TRPM3: variants seen among roughly 807,000 people sequenced by gnomAD.
TRPM3 encodes long transient receptor potential channel 3.
In TRPM3, 77 loss-of-function variants were observed where a neutral mutation model predicts 181.2. That is an observed-to-expected ratio of 0.42 (90% CI 0.35 to 0.51). TRPM3 has a LOEUF of 0.51. TRPM3 is among the 20% of genes least tolerant of loss of function. The pLI, the probability that TRPM3 is intolerant of heterozygous loss-of-function variation, is 0.01. For missense variants in TRPM3, 1,759 were observed against 2,196.7 expected (o/e 0.80, Z 3.98); for synonymous variants, 745 against 796.4 (o/e 0.94, Z 1.09).
At chr9:70,881,265 T>C (rs2095986848) in intron 1 of TRPM3, among the ~76,000 whole-genome samples, 1 of 152,126 alleles carries the variant, frequency 6.6e-6, no homozygotes, top group Non-Finnish European at 1.5e-5. Flanking sequence ...CTTTTTATCA[T>C]AATAGGTGGC....
At chr9:71,322,196 A>G in intron 1 of TRPM3, among the ~76,000 whole-genome samples, 1 of 151,594 alleles carries the variant, frequency 6.6e-6, no homozygotes, top group East Asian at 1.9e-4. Flanking sequence ...ATGACATTTA[A>G]TATGATTTGA....
intron 9 of TRPM3, among the ~76,000 whole-genome samples, chr9:70,651,360 C>G (rs1422549021): frequency 6.6e-6 from 1 of 152,040 alleles, no homozygotes; most frequent in Non-Finnish European, 1.5e-5. Flanking sequence ...TTTAAAAGGG[C>G]CCAGGATAGC....
At chr9:71,031,977 T>C (rs1565021403) in intron 1 of TRPM3, among the ~76,000 whole-genome samples, 4 of 2,896 alleles carry the variant, frequency 1.4e-3, no homozygotes. Context: ...ATATATTATA[T>C]ATATATATAT....
intron 1 of TRPM3, among the ~76,000 whole-genome samples, chr9:70,893,032 T>C (rs1360500678): frequency 2.0e-5 from 3 of 152,182 alleles, no homozygotes; most frequent in Non-Finnish European, 2.9e-5. Context: ...CACAAAGCAC[T>C]ATCTATCTAC....
At chr9:70,971,455 T>C (rs2097245222) in intron 1 of TRPM3, among the ~76,000 whole-genome samples, 6 of 152,108 alleles carry the variant, frequency 3.9e-5, no homozygotes, top group Admixed American at 3.3e-4. Context: ...AGGAACACTC[T>C]CTACCCACTA....
chr9:71,239,549 A>G (rs1246676795), intron 1 of TRPM3, among the ~76,000 whole-genome samples: 1 of 152,176 alleles, frequency 6.6e-6, no homozygotes, highest in Admixed American at 6.5e-5. Flanking sequence ...TAAAAGTATT[A>G]GCAGACATTT....
chr9:71,177,032 C>T (rs1445027052), intron 1 of TRPM3, among the ~76,000 whole-genome samples: 1 of 152,136 alleles, frequency 6.6e-6, no homozygotes, highest in Non-Finnish European at 1.5e-5. Context: ...CACCTCCCAT[C>T]ACTTGCATTA....
chr9:71,142,701 A>T lies in TRPM3; in HGVS notation c.184-278190T>A, dbSNP rs116320013. Among the ~76,000 whole-genome samples, 278 of 149,362 alleles carry T rather than the reference A, an allele frequency of 1.9e-3. 2 individuals are homozygous for T. Among genetic ancestry groups the T allele is most frequent in the African/African-American group, 6.7e-3 (269 of 40,196 alleles). ...TACTTTATACTGACAATTTATATTTAAAAAATTTGCATGACAAATTATATT... is the reference window on the plus strand; with the variant it reads ...TACTTTATACTGACAATTTATATTTTAAAAATTTGCATGACAAATTATATT... On this transcript the variant is annotated intron_variant, in intron 1 of 24. Coordinates refer to the TRPM3 transcript ENST00000357533.
At chr9:71,277,070 ATTAC>A (rs1445186972) in intron 1 of TRPM3, among the ~76,000 whole-genome samples, 3 of 152,224 alleles carry the variant, frequency 2.0e-5, no homozygotes, top group Non-Finnish European at 4.4e-5. Context: ...ATGTGATCTC[ATTAC>A]TTAAATTACC....
At chr9:71,371,318 C>T (rs1272957074) in intron 1 of TRPM3, among the ~76,000 whole-genome samples, 4 of 152,132 alleles carry the variant, frequency 2.6e-5, no homozygotes, top group African/African-American at 7.2e-5. Context: ...CATTAAGATC[C>T]TCTGGAAAGG....
At chr9:71,018,456 A>G (rs2097804886) in intron 1 of TRPM3, among the ~76,000 whole-genome samples, 1 of 151,818 alleles carries the variant, frequency 6.6e-6, no homozygotes, top group African/African-American at 2.4e-5. Context: ...AAAAGTTGCA[A>G]AAAACCAATC....
In TRPM3 at chr9:71,308,245, T is replaced by C. The variant is rs531986494; in HGVS notation, c.183+138408A>G. 6.6e-5 allele frequency among the ~76,000 whole-genome samples: 10 copies of C among 152,288 alleles called. No individual in the cohort carries two copies. The South Asian group carries it at 2.1e-3, about 32-fold the overall frequency. On this transcript the variant is annotated intron_variant, in intron 1 of 24. Coordinates refer to the TRPM3 transcript ENST00000357533. Reference sequence around the variant, plus strand: ...ATCAATAATTTATATTTATATTCAATACAAAAGTATTTGATCATTGAGAAA... The same window carrying C: ...ATCAATAATTTATATTTATATTCAACACAAAAGTATTTGATCATTGAGAAA...
At chr9:70,986,865 C>T (rs1433639868) in intron 1 of TRPM3, among the ~76,000 whole-genome samples, 1 of 151,840 alleles carries the variant, frequency 6.6e-6, no homozygotes, top group African/African-American at 2.4e-5. Context: ...CAAGGAGTAT[C>T]GTTTAACCAA....
intron 1 of TRPM3, among the ~76,000 whole-genome samples, chr9:71,275,923 G>A (rs1055138533): frequency 5.3e-5 from 8 of 150,960 alleles, no homozygotes; most frequent in African/African-American, 2.0e-4. Context: ...CTCACTGCAA[G>A]CTCCACCTCC....
At chr9:71,398,597 A>G (rs1420118609) in intron 1 of TRPM3, among the ~76,000 whole-genome samples, 1 of 152,102 alleles carries the variant, frequency 6.6e-6, no homozygotes, top group East Asian at 1.9e-4. Flanking sequence ...CTGCTCCACC[A>G]AGGTAAAACG....
chr9:71,097,414 A>G (rs563164064), intron 1 of TRPM3, among the ~76,000 whole-genome samples: 2 of 152,246 alleles, frequency 1.3e-5, no homozygotes, highest in East Asian at 1.9e-4. Context: ...ATGTTTGCAT[A>G]GTATTTACAC....
rs557832790 is a variant in TRPM3 at position 71,019,581 on chromosome 9, C to T, written c.177+101597G>A. ...AATATTGACAGGAGATTTTTAAAGA[C>T]TTAAATAATTGGGGGGAATATATAC... On this transcript the variant is annotated intron_variant, in intron 1 of 25. Coordinates refer to ENST00000677713, the MANE Select transcript of TRPM3 (RefSeq NM_001366145.2). Among the ~76,000 whole-genome samples, 6 of 151,830 alleles carry T rather than the reference C, an allele frequency of 4.0e-5. No homozygotes were observed. In the South Asian group the frequency reaches 1.2e-3, roughly 31 times the overall value.
At chr9:71,265,186 C>T (rs11142762) in intron 1 of TRPM3, among the ~76,000 whole-genome samples, 82,516 of 151,946 alleles carry the variant, frequency 0.54, 22,522 homozygotes, top group African/African-American at 0.59. Context: ...ATATTACTTA[C>T]AAAATATGTT....
intron 1 of TRPM3, among the ~76,000 whole-genome samples, chr9:71,301,634 C>T (rs575668582): frequency 3.3e-5 from 5 of 152,154 alleles, no homozygotes; most frequent in Admixed American, 6.6e-5. Flanking sequence ...CTTATTCAAA[C>T]GTCAACTGCT....
Sources: gnomAD v4.1 joint callset for allele counts (sites outside exome capture counted in the v4.1 genomes callset) on GRCh38, gnomAD v4.1.1 for gene constraint, MANE v1.5 for transcripts, NCBI Gene and HGNC (gene_info 2026-07-23, HGNC 2026-07-21) for gene names.